Variants in KATNIP observed in about 807,000 individuals in gnomAD.
The protein encoded by KATNIP is katanin-interacting protein.
Under a neutral mutation model 174.0 loss-of-function variants are expected in KATNIP, and 126 were observed. The ratio of observed to expected loss-of-function variants is 0.72; its 90% confidence interval spans 0.63 to 0.84. The LOEUF (loss-of-function observed/expected upper bound fraction) is 0.84, where lower values mean the gene tolerates loss of function less well. Ranked by LOEUF, KATNIP falls within the 40% of genes least tolerant of loss-of-function variation. The pLI, the probability that KATNIP is intolerant of heterozygous loss-of-function variation, is 0.00. For missense variants in KATNIP, 1,958 were observed against 2,109.7 expected (o/e 0.93, Z 1.41); for synonymous variants, 810 against 835.7 (o/e 0.97, Z 0.53).
chr16:27,555,985 A>G (rs1474836599), intron 1 of KATNIP, among the ~76,000 whole-genome samples: 14 of 149,818 alleles, frequency 9.3e-5, no homozygotes, highest in Non-Finnish European at 1.9e-4. Flanking sequence ...AAAATTAGCC[A>G]GGTGTGGTGG....
chr16:27,612,209 C>T (rs144623294), intron 2 of KATNIP, among the ~76,000 whole-genome samples: 2 of 152,250 alleles, frequency 1.3e-5, no homozygotes, highest in African/African-American at 4.8e-5. Flanking sequence ...GTTCACTTAA[C>T]CCTGTGAGGG....
Position 27,734,625 on chromosome 16 carries a change from A to T in KATNIP, c.1744-5416A>T, listed in dbSNP as rs568296310. Among the ~76,000 whole-genome samples the T allele has an allele frequency of 4.6e-5, 7 of 152,228 alleles. No individual in the cohort carries two copies. The South Asian group carries it at 1.5e-3, about 32-fold the overall frequency. On this transcript the variant is annotated intron_variant, in intron 14 of 27. Transcript: ENST00000261588. ...GGCACGAGAATCGCTTGAACCTGGG[A>T]GGCAAAGATTGCAGTAAGCTGAGAT...
At chr16:27,694,397 T>TC (rs1401127401) in intron 8 of KATNIP, among the ~76,000 whole-genome samples, 2 of 152,080 alleles carry the variant, frequency 1.3e-5, no homozygotes, top group Non-Finnish European at 2.9e-5. Context: ...TATACATAGA[T>TC]CCCCCAAGAT....
chr16:27,773,170 T>C lies in KATNIP; in HGVS notation c.4270T>C (p.Tyr1424His), dbSNP rs895941414. ...YYIGLTGLEL[Y>H]DERGEKIPLS... ...CATCGGCCTCACCGGCCTGGAGCTG[T>C]ATGACGAGCGAGGAGAAAAAATCCC... The change falls in exon 23 of 28, where the codon TAT becomes CAT. Residue 1424 changes from tyrosine (Y) to histidine (H), a missense_variant. By Grantham distance (83) the Tyr-to-His change is moderately conservative (BLOSUM62 2). Coordinates refer to ENST00000261588, the MANE Select transcript of KATNIP (RefSeq NM_015202.5). The C allele has an allele frequency of 6.2e-7, 1 of 1,612,322 alleles. No individual in the cohort carries two copies. The highest frequency in any genetic ancestry group is 1.3e-5 in the African/African-American group (1 of 75,000).
rs577782806 is a variant in KATNIP, at chr16:27,708,435, G to C, written c.1390-270G>C. The C allele has an allele frequency of 4.7e-5, 19 of 406,850 alleles. No homozygotes were observed. In the East Asian group the frequency reaches 8.0e-4, roughly 17 times the overall value. The allele number at this position is 406,850 out of a possible 1,614,324, so 25.2% of individuals were successfully genotyped here. ...TTCAGGCAGAATTCAATGCTTTTTAGACATTTTTATTTATTTGTAAACTTT... is the reference window on the plus strand; with the variant it reads ...TTCAGGCAGAATTCAATGCTTTTTACACATTTTTATTTATTTGTAAACTTT... On this transcript the variant is annotated intron_variant, in intron 12 of 27. Transcript: ENST00000261588.
intron 5 of KATNIP, among the ~76,000 whole-genome samples, chr16:27,639,207 TC>T: frequency 6.6e-6 from 1 of 152,292 alleles, no homozygotes; most frequent in East Asian, 1.9e-4. Flanking sequence ...GCCGATGACT[TC>T]CACCTGTAAA....
intron 1 of KATNIP, among the ~76,000 whole-genome samples, chr16:27,566,523 T>G (rs1596735492): frequency 1.4e-5 from 2 of 143,726 alleles, no homozygotes. Flanking sequence ...GGCGACAGAG[T>G]GAGACTCTGT....
intron 2 of KATNIP, among the ~76,000 whole-genome samples, chr16:27,603,353 AC>A (rs1432170562): frequency 6.6e-6 from 1 of 152,204 alleles, no homozygotes; most frequent in Non-Finnish European, 1.5e-5. Context: ...TATTATTTAA[AC>A]GATAAACTAA....
chr16:27,698,445 C>A lies in KATNIP; in HGVS notation c.1058C>A (p.Ala353Asp). Residue 353 changes from alanine to aspartate, a missense_variant, in exon 9 of 28, where the codon GCC becomes GAC. Around this residue, in one of 3 missense-constraint regions of KATNIP, gnomAD observed 1,557 missense variants for 1,617.8 expected, o/e 0.96. Transcript: ENST00000261588. ...VLQAIQVENA[A>D]LQRALLSRKA... ...CAAGCCATCCAGGTGGAGAACGCAG[C>A]CCTGCAGAGGGCGCTCCTCAGCAGA... 1 of 1,613,320 alleles carries A rather than the reference C, an allele frequency of 6.2e-7. No homozygotes were observed. The highest frequency in any genetic ancestry group is 8.5e-7 in the Non-Finnish European group (1 of 1,179,718).
chr16:27,744,517 A>G (rs2081214752), intron 15 of KATNIP, among the ~76,000 whole-genome samples: 1 of 152,112 alleles, frequency 6.6e-6, no homozygotes, highest in Admixed American at 6.5e-5. Flanking sequence ...TCTGGAGTTC[A>G]AGGCTGCAGT....
intron 8 of KATNIP, among the ~76,000 whole-genome samples, chr16:27,691,928 C>T (rs1045922190): frequency 3.9e-4 from 60 of 152,236 alleles, no homozygotes; most frequent in Non-Finnish European, 6.9e-4. Flanking sequence ...AAGGACAGAT[C>T]ATCCCGCCTG....
chr16:27,764,925 C>T (rs2082070651), intron 19 of KATNIP, among the ~76,000 whole-genome samples: 1 of 152,138 alleles, frequency 6.6e-6, no homozygotes, highest in Non-Finnish European at 1.5e-5. Context: ...TTAATAACAG[C>T]CTTTTAGGGA....
chr16:27,582,816 G>C (rs2090749265), intron 2 of KATNIP, among the ~76,000 whole-genome samples: 1 of 152,158 alleles, frequency 6.6e-6, no homozygotes, highest in Admixed American at 6.6e-5. Context: ...CACATACTCA[G>C]AGCTCAATAA....
At chr16:27,641,670 A>T (rs1202558105) in intron 5 of KATNIP, among the ~76,000 whole-genome samples, 2 of 152,220 alleles carry the variant, frequency 1.3e-5, no homozygotes, top group African/African-American at 4.8e-5. Context: ...ATCTTATGCT[A>T]TTGGAAATTG....
chr16:27,603,989 G>A (rs146728728), intron 2 of KATNIP, among the ~76,000 whole-genome samples: 49 of 152,130 alleles, frequency 3.2e-4, no homozygotes, highest in African/African-American at 1.1e-3. Context: ...CACCTGCCTC[G>A]GCCTTCCAAA....
chr16:27,777,761 C>T lies in KATNIP; in HGVS notation c.4703C>T (p.Thr1568Ile). 1 of 1,613,688 alleles carries T rather than the reference C, an allele frequency of 6.2e-7. No individual in the cohort carries two copies. Among genetic ancestry groups the T allele is most frequent in the Non-Finnish European group, 8.5e-7 (1 of 1,179,752 alleles). The change falls in exon 26 of 28, where the codon ACC (threonine) becomes ATC (isoleucine). Residue 1568 changes from threonine to isoleucine, a missense_variant. Coordinates refer to ENST00000261588, the MANE Select transcript of KATNIP (RefSeq NM_015202.5). The surrounding 1 kb of genome is among the most constrained non-coding windows in gnomAD (Gnocchi z 4.4). Reference sequence around the variant, plus strand: ...GACATCCGCCACCAGGAGAAACACACCACCATCAGGTAGGGCCCCAGCCGG... The same window carrying T: ...GACATCCGCCACCAGGAGAAACACATCACCATCAGGTAGGGCCCCAGCCGG... ...DRDIRHQEKH[T>I]TISNQAEDQD...
At chr16:27,745,839 C>G (rs1432582822) in intron 15 of KATNIP, among the ~76,000 whole-genome samples, 1 of 151,954 alleles carries the variant, frequency 6.6e-6, no homozygotes, top group Non-Finnish European at 1.5e-5. Context: ...GGACAGAGCA[C>G]TAATCCCAGC....
intron 6 of KATNIP, among the ~76,000 whole-genome samples, chr16:27,655,801 CA>C (rs1237800199): frequency 6.6e-6 from 1 of 152,134 alleles, no homozygotes; most frequent in African/African-American, 2.4e-5. Flanking sequence ...AGCCCAGGCT[CA>C]TGACTCCTTG....
intron 6 of KATNIP, chr16:27,654,608 G>A (rs540328238): frequency 7.2e-5 from 98 of 1,351,906 alleles, no homozygotes; most frequent in Non-Finnish European, 8.9e-5. Context: ...TTGTCCCTAG[G>A]ATACCAAATC....
Sources: gnomAD v4.1 joint callset for allele counts (sites outside exome capture counted in the v4.1 genomes callset) on GRCh38, gnomAD v4.1.1 for gene constraint, gnomAD v4.1.1 regional missense constraint, Gnocchi (gnomAD v3.1) non-coding constraint, MANE v1.5 for transcripts, NCBI Gene and HGNC (gene_info 2026-07-23, HGNC 2026-07-21) for gene names.